PCDHA8: variants seen among roughly 807,000 people sequenced by gnomAD.
The protein encoded by PCDHA8 is protocadherin alpha 8.
In PCDHA8, 53 loss-of-function variants were observed where a neutral mutation model predicts 61.8. That is an observed-to-expected ratio of 0.86 (90% CI 0.69 to 1.08). The LOEUF is 1.08. Among genes scored for constraint, PCDHA8 ranks in the 50% least tolerant of loss-of-function variants. The pLI, the probability that PCDHA8 is intolerant of heterozygous loss-of-function variation, is 0.00. For missense variants in PCDHA8, 1,293 were observed against 1,245.0 expected, an observed-to-expected ratio of 1.04 and a Z score of -0.58; for synonymous variants, 618 against 556.6, an observed-to-expected ratio of 1.11 and a Z score of -1.55.
intron 1 of PCDHA8, among the ~76,000 whole-genome samples, chr5:140,937,729 G>A (rs1471512736): frequency 1.3e-5 from 2 of 151,886 alleles, no homozygotes; most frequent in African/African-American, 4.8e-5. Context: ...TGGCTAACAC[G>A]GTGAAACCCC....
At chr5:140,968,756 G>T in intron 1 of PCDHA8, 1 of 1,614,202 alleles carries the variant, frequency 6.2e-7, no homozygotes, top group Non-Finnish European at 8.5e-7. Flanking sequence ...GGTGGTCCGA[G>T]ATAATGGAGA....
At chr5:140,897,395 G>A (rs1583270355) in intron 1 of PCDHA8, among the ~76,000 whole-genome samples, 1 of 135,586 alleles carries the variant, frequency 7.4e-6, no homozygotes, top group Middle Eastern at 5.0e-3. Flanking sequence ...GTGTCCATGT[G>A]TTCTCATTGT....
chr5:140,988,247 TC>T (rs2097289620), intron 3 of PCDHA8, among the ~76,000 whole-genome samples: 1 of 152,148 alleles, frequency 6.6e-6, no homozygotes, highest in Admixed American at 6.5e-5. Context: ...GTGGGGCAGC[TC>T]CCGCCTGTGA....
In PCDHA8 at chr5:141,009,814, A is replaced by C. The variant is rs781835321; in HGVS notation, c.2730A>C (p.Lys910Asn). Residue 910 changes from lysine to asparagine, a missense_variant, in exon 4 of 4, where the codon AAA (lysine) becomes AAC (asparagine). By Grantham distance (94) the Lys-to-Asn change is moderately conservative. Coordinates refer to ENST00000531613, the MANE Select transcript of PCDHA8 (RefSeq NM_018911.3). ...RQEPTNSQID[K>N]SDFITFGKKE... ...AGCCTACTAACAGCCAAATTGACAA[A>C]AGTGACTTCATAACCTTCGGCAAAA... The C allele has an allele frequency of 6.2e-7, 1 of 1,614,124 alleles. No individual in the cohort carries two copies. The highest frequency in any genetic ancestry group is 8.5e-7 in the Non-Finnish European group (1 of 1,180,010).
rs1362176056 is a variant in PCDHA8, at chr5:140,841,899, A to G, written c.578A>G (p.Glu193Gly). 1.9e-6 allele frequency: 3 copies of G among 1,613,740 alleles called. No individual in the cohort carries two copies. The highest frequency in any genetic ancestry group is 2.5e-6 in the Non-Finnish European group (3 of 1,179,856). The stretch of plus-strand genomic sequence containing the variant: ...AAGAACGATGAGAATAAACTGGTTG[A>G]GCTCGTATTAAGAAAATCCTTGGAC... ...NSKNDENKLV[E>G]LVLRKSLDRE... The change falls in exon 1 of 4, where the codon GAG becomes GGG. Residue 193 changes from glutamate (E) to glycine (G), a missense_variant. Transcript: ENST00000531613.
At chr5:140,988,503 GAA>G (rs2097300771) in intron 3 of PCDHA8, among the ~76,000 whole-genome samples, 1 of 152,152 alleles carries the variant, frequency 6.6e-6, no homozygotes, top group Non-Finnish European at 1.5e-5. Flanking sequence ...GAGAAGCCAT[GAA>G]GCTTACTTAA....
At chr5:140,870,219 C>A (rs1188426625) in intron 1 of PCDHA8, 2 of 1,614,034 alleles carry the variant, frequency 1.2e-6, no homozygotes, top group Non-Finnish European at 1.7e-6. Flanking sequence ...CCCTGATCAG[C>A]GTGTCTGACC....
In PCDHA8 at chr5:140,843,148, T is replaced by C. The variant is rs2150353872; in HGVS notation, c.1827T>C (p.Tyr609=). 1 of 1,596,056 alleles carries C rather than the reference T, an allele frequency of 6.3e-7. No homozygotes were observed. Among genetic ancestry groups the C allele is most frequent in the South Asian group, 1.1e-5 (1 of 90,506 alleles). The part of the protein sequence containing the change: ...ADSGYNAWLS[Y]ELQPAASSPR... ...CGGGCTACAACGCGTGGCTTTCGTA[T>C]GAGCTGCAGCCAGCTGCAAGCAGCC... Residue 609 remains tyrosine, a synonymous_variant, in exon 1 of 4, where the codon TAT becomes TAC. Coordinates refer to ENST00000531613, the MANE Select transcript of PCDHA8 (RefSeq NM_018911.3).
chr5:140,849,038 C>T, intron 1 of PCDHA8: 5 of 1,575,008 alleles, frequency 3.2e-6, no homozygotes, highest in Non-Finnish European at 4.3e-6. Context: ...TCTTCCTGGA[C>T]GTGCCAACCA....
chr5:140,999,678 G>A (rs1204037119), intron 3 of PCDHA8, among the ~76,000 whole-genome samples: 2 of 152,112 alleles, frequency 1.3e-5, no homozygotes, highest in East Asian at 1.9e-4. Context: ...GGGGCTCACA[G>A]AAAGAAGAAA....
rs2150344223 is a variant in PCDHA8 at position 140,842,785 on chromosome 5, G to T, written c.1464G>T (p.Ala488=). The T allele has an allele frequency of 1.1e-4, 175 of 1,594,390 alleles. 18 individuals are homozygous for T. Among genetic ancestry groups the T allele is most frequent in the Non-Finnish European group, 1.4e-4 (165 of 1,165,442 alleles). The part of the protein sequence containing the change: ...SARDADAQEN[A]LVSYSLVERR... ...GAGACGCGGACGCGCAGGAGAACGCGCTGGTGTCCTACTCGCTTGTGGAGC... is the reference window on the plus strand; with the variant it reads ...GAGACGCGGACGCGCAGGAGAACGCTCTGGTGTCCTACTCGCTTGTGGAGC... The change falls in exon 1 of 4, where the codon GCG becomes GCT. Residue 488 remains alanine, a synonymous_variant. Coordinates refer to ENST00000531613, the MANE Select transcript of PCDHA8 (RefSeq NM_018911.3).
intron 1 of PCDHA8, chr5:140,928,975 T>C (rs2085693610): frequency 1.9e-6 from 3 of 1,613,806 alleles, no homozygotes; most frequent in African/African-American, 1.3e-5. Context: ...TTCCTTTTTA[T>C]TTCTGGGGTG....
intron 1 of PCDHA8, among the ~76,000 whole-genome samples, chr5:140,846,800 G>A (rs1554141497): frequency 6.7e-6 from 1 of 149,352 alleles, no homozygotes; most frequent in African/African-American, 2.5e-5. Flanking sequence ...CCCAGCCCCT[G>A]GCTTTAAAAT....
intron 1 of PCDHA8, chr5:140,884,069 T>A (rs2059977023): frequency 6.2e-7 from 1 of 1,613,394 alleles, no homozygotes; most frequent in Non-Finnish European, 8.5e-7. Flanking sequence ...GGACGCCGAT[T>A]CGGGCTACAA....
chr5:140,954,208 A>C (rs568734009), intron 1 of PCDHA8, among the ~76,000 whole-genome samples: 1 of 152,254 alleles, frequency 6.6e-6, no homozygotes, highest in Admixed American at 6.5e-5. Context: ...GGTTGATCCC[A>C]TGTTTTTGCT....
At chr5:140,905,842 T>C (rs2072141061) in intron 1 of PCDHA8, among the ~76,000 whole-genome samples, 1 of 152,148 alleles carries the variant, frequency 6.6e-6, no homozygotes, top group Non-Finnish European at 1.5e-5. Flanking sequence ...GGGGAGTTTA[T>C]TAAGGAGTAT....
At chr5:140,967,390 G>A (rs2096135950) in intron 1 of PCDHA8, 2 of 1,609,752 alleles carry the variant, frequency 1.2e-6, no homozygotes, top group African/African-American at 1.3e-5. Context: ...AAGTGCTTGA[G>A]CTGGTGCTGC....
intron 1 of PCDHA8, chr5:140,850,389 A>G (rs2150482026): frequency 7.5e-6 from 12 of 1,597,864 alleles, no homozygotes; most frequent in Non-Finnish European, 1.0e-5. Flanking sequence ...GGGCGAGATC[A>G]GCACAACGCG....
At chr5:140,926,472 T>G in intron 1 of PCDHA8, 1 of 163,134 alleles carries the variant, frequency 6.1e-6, no homozygotes, top group East Asian at 1.8e-4. Context: ...AAAACACCGT[T>G]TAAGGAGAGA....
Sources: allele counts gnomAD v4.1 joint callset (sites outside exome capture counted in the v4.1 genomes callset), GRCh38; gene constraint gnomAD v4.1.1; transcripts MANE v1.5; gene names NCBI Gene and HGNC (gene_info 2026-07-23, HGNC 2026-07-21).